The following PATL2 variants were observed in gnomAD, a reference collection of about 807,000 sequenced individuals.
PATL2 encodes the protein protein PAT1 homolog 2.
A neutral mutation model predicts 77.0 loss-of-function variants in PATL2; 73 were observed. The ratio of observed to expected loss-of-function variants is 0.95; its 90% CI spans 0.78 to 1.15. The LOEUF is 1.15. PATL2 is among the 50% of genes most tolerant of loss of function. The pLI is 0.00. For missense variants in PATL2, 618 were observed against 655.4 expected (o/e 0.94, Z 0.62); for synonymous variants, 265 against 257.1 (o/e 1.03, Z -0.29).
At chr15:44,695,874 G>A (rs966711191) in intron 3 of PATL2, among the ~76,000 whole-genome samples, 3 of 152,044 alleles carry the variant, frequency 2.0e-5, no homozygotes, top group Non-Finnish European at 4.4e-5. Flanking sequence ...CCTCACAGTT[G>A]TTTTAGGGGA....
intron 3 of PATL2, among the ~76,000 whole-genome samples, chr15:44,685,322 G>A (rs1445076807): frequency 2.0e-5 from 3 of 152,154 alleles, no homozygotes; most frequent in Non-Finnish European, 4.4e-5. Context: ...AAAAAGTCAA[G>A]ACCCTGCCAG....
chr15:44,697,266 ATTC>A (rs974458437), intron 3 of PATL2: 2 of 143,770 alleles, frequency 1.4e-5, no homozygotes, highest in African/African-American at 5.2e-5. Context: ...GCTCCTGCTC[ATTC>A]TTCTTCCTTC....
chr15:44,685,713 T>A (rs578138502), intron 3 of PATL2, among the ~76,000 whole-genome samples: 1 of 151,932 alleles, frequency 6.6e-6, no homozygotes, highest in Non-Finnish European at 1.5e-5. Context: ...GATGGAGGAA[T>A]ATTTACCAAG....
chr15:44,709,534 TA>T (rs77359234), intron 3 of PATL2, among the ~76,000 whole-genome samples: 28 of 148,546 alleles, frequency 1.9e-4, no homozygotes, highest in African/African-American at 5.7e-4. Context: ...TATTAAAAAT[TA>T]AAAAAAAAAG....
intron 7 of PATL2, 73 bp from the exon 8 acceptor site, chr15:44,672,529 C>A (rs2085742440): frequency 2.1e-6 from 3 of 1,419,022 alleles, no homozygotes; most frequent in Admixed American, 4.1e-5. Context: ...TCATTCAGCC[C>A]AGGTCAGCTC....
At chr15:44,677,351 G>A (rs1334288943) in intron 3 of PATL2, among the ~76,000 whole-genome samples, 1 of 152,174 alleles carries the variant, frequency 6.6e-6, no homozygotes, top group African/African-American at 2.4e-5. Flanking sequence ...CGGGTCATGT[G>A]AGCTTAAGTC....
At chr15:44,687,287 T>C (rs1051144878) in intron 3 of PATL2, among the ~76,000 whole-genome samples, 3 of 152,112 alleles carry the variant, frequency 2.0e-5, no homozygotes, top group East Asian at 1.9e-4. Flanking sequence ...ATCACATAAA[T>C]AGAACCAATG....
At chr15:44,671,233 T>TA (rs1387200407) in intron 9 of PATL2, among the ~76,000 whole-genome samples, 1 of 152,186 alleles carries the variant, frequency 6.6e-6, no homozygotes, top group Non-Finnish European at 1.5e-5. Flanking sequence ...CTCATGCCTG[T>TA]AATCTCAGCA....
intron 17 of PATL2, 32 bp from the exon 18 acceptor site, chr15:44,666,003 C>A: frequency 6.7e-7 from 1 of 1,494,866 alleles, no homozygotes; most frequent in Non-Finnish European, 9.0e-7. Flanking sequence ...ACTGCAAGCA[C>A]AATTCTACTT....
intron 3 of PATL2, among the ~76,000 whole-genome samples, chr15:44,700,287 ATTTTCT>A (rs1480349286): frequency 1.3e-5 from 2 of 151,574 alleles, no homozygotes; most frequent in Admixed American, 6.6e-5. Flanking sequence ...CTGTACGTTG[ATTTTCT>A]TTTTATTTTC....
In PATL2 at chr15:44,675,623, C is replaced by A; in HGVS notation, c.85G>T (p.Glu29Ter). 2.6e-6 allele frequency: 4 copies of A among 1,551,948 alleles called. No individual in the cohort carries two copies. The highest frequency in any genetic ancestry group is 3.5e-6 in the Non-Finnish European group (4 of 1,147,054). The change falls in exon 5 of 18, where the codon GAA becomes TAA. Residue 29 changes from glutamate to a stop codon, truncating the protein, a stop_gained. Coordinates refer to ENST00000682850, the MANE Select transcript of PATL2 (RefSeq NM_001387263.1). LOFTEE classifies it high-confidence loss of function. ...ELVSACQLEK[E>*]EENEGEEEEE... Reference sequence around the variant, plus strand: ...TCCTCCTCCCCTTCATTCTCTTCTTCTTTTTCCAACTGGCAGGCAGACACC... The same window carrying A: ...TCCTCCTCCCCTTCATTCTCTTCTTATTTTTCCAACTGGCAGGCAGACACC...
At chr15:44,707,344 C>G (rs1469880952) in intron 3 of PATL2, among the ~76,000 whole-genome samples, 1 of 152,046 alleles carries the variant, frequency 6.6e-6, no homozygotes, top group African/African-American at 2.4e-5. Context: ...CTGGGTCACA[C>G]CTTAAGCCTG....
intron 9 of PATL2, 66 bp from the exon 10 acceptor site, chr15:44,670,153 TTAAG>T: frequency 6.5e-7 from 1 of 1,530,024 alleles, no homozygotes. Flanking sequence ...GAATTTAGAA[TTAAG>T]TTTCTCAAGT....
In PATL2 at chr15:44,669,424, G is replaced by C; in HGVS notation, c.931-11C>G. The C allele has an allele frequency of 6.5e-7, 1 of 1,548,390 alleles. No individual in the cohort carries two copies. Among genetic ancestry groups the C allele is most frequent in the Non-Finnish European group, 8.7e-7 (1 of 1,144,318 alleles). On this transcript the variant is annotated splice_polypyrimidine_tract_variant and intron_variant, in intron 12 of 17. Coordinates refer to ENST00000682850, the MANE Select transcript of PATL2 (RefSeq NM_001387263.1). ...TAACTGAAGGAACATCTGGGAATTT[G>C]AGGGTGGAAAAAAGAGGTAAATTTG...
chr15:44,679,790 G>A (rs564749469), intron 3 of PATL2, among the ~76,000 whole-genome samples: 1 of 152,198 alleles, frequency 6.6e-6, no homozygotes, highest in South Asian at 2.1e-4. Flanking sequence ...AACCATGTAT[G>A]TCAGGTTTCC....
intron 3 of PATL2, 198 bp from the exon 4 acceptor site, chr15:44,676,763 G>T: frequency 7.9e-7 from 1 of 1,268,588 alleles, no homozygotes; most frequent in Non-Finnish European, 1.0e-6. Context: ...TCCCACAAAG[G>T]GACAGAAATG....
At chr15:44,680,206 T>A (rs1015087923) in intron 3 of PATL2, among the ~76,000 whole-genome samples, 3 of 152,214 alleles carry the variant, frequency 2.0e-5, no homozygotes, top group Non-Finnish European at 1.5e-5. Context: ...GTTACACCAC[T>A]TGAATGTGCC....
chr15:44,692,143 C>G (rs2086406805), intron 3 of PATL2, among the ~76,000 whole-genome samples: 1 of 152,146 alleles, frequency 6.6e-6, no homozygotes, highest in Non-Finnish European at 1.5e-5. Flanking sequence ...AGAGAAATCT[C>G]TGCACAATGA....
intron 3 of PATL2, among the ~76,000 whole-genome samples, chr15:44,707,199 C>T (rs1345256263): frequency 6.6e-6 from 1 of 152,024 alleles, no homozygotes; most frequent in East Asian, 1.9e-4. Context: ...TATCTAAGAG[C>T]CAAAGCCTGG....
Sources: gnomAD v4.1 joint callset for allele counts (sites outside exome capture counted in the v4.1 genomes callset) on GRCh38, gnomAD v4.1.1 for gene constraint, MANE v1.5 for transcripts, NCBI Gene and HGNC (gene_info 2026-07-23, HGNC 2026-07-21) for gene names.